The following TMEM178B variants were observed in gnomAD, a reference collection of about 807,000 sequenced individuals.
The protein encoded by TMEM178B is transmembrane protein 178B.
A neutral mutation model predicts 31.0 loss-of-function variants in TMEM178B; 5 were observed. The observed-to-expected ratio is 0.16, with a 90% CI of 0.08 to 0.34. The LOEUF (loss-of-function observed/expected upper bound fraction) is 0.34, where lower values mean the gene tolerates loss of function less well. Among genes scored for constraint, TMEM178B ranks in the 10% least tolerant of loss-of-function variants. The pLI is 1.00. For synonymous variants in TMEM178B, 164 were observed against 164.0 expected, an observed-to-expected ratio of 1.00 and a Z score of 0.00; for missense variants, 275 against 400.3, an observed-to-expected ratio of 0.69 and a Z score of 2.67.
the TMEM178B span, among the ~76,000 whole-genome samples, chr7:141,499,463 A>C: frequency 1.3e-4 from 17 of 135,788 alleles, no homozygotes; most frequent in South Asian, 2.4e-4. Context: ...CCACATCTCT[A>C]CAAAAAAAAA....
chr7:141,246,644 A>G (rs1396983622), intron 2 of TMEM178B, among the ~76,000 whole-genome samples: 1 of 152,164 alleles, frequency 6.6e-6, no homozygotes, highest in Non-Finnish European at 1.5e-5. Context: ...ACTGGAAAAA[A>G]TTTGTGGAGG....
intron 1 of TMEM178B, among the ~76,000 whole-genome samples, chr7:141,081,261 T>C (rs1794679213): frequency 6.6e-6 from 1 of 152,138 alleles, no homozygotes; most frequent in Admixed American, 6.6e-5. Flanking sequence ...TGTGTGTGTG[T>C]GTCTTAGTTT....
At chr7:141,134,013 T>C (rs1795635144) in intron 1 of TMEM178B, among the ~76,000 whole-genome samples, 1 of 152,092 alleles carries the variant, frequency 6.6e-6, no homozygotes, top group African/African-American at 2.4e-5. Flanking sequence ...GATGGGAGGA[T>C]TGCTTAAGGG....
intron 2 of TMEM178B, among the ~76,000 whole-genome samples, chr7:141,305,593 A>G (rs1798803752): frequency 6.6e-6 from 1 of 151,776 alleles, no homozygotes; most frequent in Admixed American, 6.6e-5. Flanking sequence ...ATGCCCAGCT[A>G]ATTTTTGTAT....
chr7:141,443,604 C>T (rs752403231), intron 3 of TMEM178B, among the ~76,000 whole-genome samples: 10 of 152,128 alleles, frequency 6.6e-5, no homozygotes, highest in Non-Finnish European at 1.3e-4. Flanking sequence ...TGATTTATGA[C>T]TGTTGATATT....
chr7:141,171,006 TCACACACACATACACA>T lies in TMEM178B; in HGVS notation c.383-41574_383-41559del, dbSNP rs1268423706. On this transcript the variant is annotated intron_variant, in intron 1 of 3. Coordinates refer to ENST00000565468, the MANE Select transcript of TMEM178B (RefSeq NM_001195278.2). This position sits in a 1 kb window ranked among gnomAD's most constrained non-coding sequence, Gnocchi z 4.3. ...GGTTATTACAGGTTCAGACTACACA[TCACACACACATACACA>T]CACACACACACACACACACACACAC... Among the ~76,000 whole-genome samples, 17 of 122,838 alleles carry T rather than the reference TCACACACACATACACA, an allele frequency of 1.4e-4. No individual in the cohort carries two copies. The highest frequency in any genetic ancestry group is 8.6e-4 in the South Asian group (3 of 3,470). 80.6% of individuals were successfully genotyped at this position (122,838 alleles called of 152,430 possible). A position where few individuals can be genotyped will look rare whatever the true frequency, so the allele number is the denominator to read the frequency against.
At chr7:141,450,291 A>G (rs917911575) in intron 3 of TMEM178B, among the ~76,000 whole-genome samples, 46 of 152,192 alleles carry the variant, frequency 3.0e-4, no homozygotes, top group African/African-American at 9.4e-4. Context: ...AACATGCCCA[A>G]TGCTTGTTAT....
At chr7:141,289,709 T>A in intron 2 of TMEM178B, among the ~76,000 whole-genome samples, 1 of 119,680 alleles carries the variant, frequency 8.4e-6, no homozygotes, top group African/African-American at 3.3e-5. Context: ...AGAGAGACCC[T>A]GTCTCAAAAA....
chr7:141,304,096 G>A (rs912027717), intron 2 of TMEM178B, among the ~76,000 whole-genome samples: 1 of 152,178 alleles, frequency 6.6e-6, no homozygotes, highest in Non-Finnish European at 1.5e-5. Context: ...TATTGCAAGA[G>A]CTAAATATCT....
chr7:141,416,820 C>G (rs1465246852), intron 2 of TMEM178B, among the ~76,000 whole-genome samples: 3 of 152,136 alleles, frequency 2.0e-5, no homozygotes, highest in African/African-American at 7.2e-5. Flanking sequence ...TCTTGTAGAA[C>G]CAGACACAGA....
In TMEM178B at chr7:141,339,763, A is replaced by G. The variant is rs1020190995; in HGVS notation, c.497-97845A>G. Among the ~76,000 whole-genome samples, 7 of 152,066 alleles carry G rather than the reference A, an allele frequency of 4.6e-5. 1 individual carries two copies. Among genetic ancestry groups the G allele is most frequent in the African/African-American group, 1.7e-4 (7 of 41,386 alleles). ...AGAGCACCTGTCTAAGCTGGGGGAG[A>G]ATGTAGGCAGGACCAGGGACAGCAC... On this transcript the variant is annotated intron_variant, in intron 2 of 3. Transcript: ENST00000565468.
At chr7:141,225,624 A>G (rs1797329543) in intron 2 of TMEM178B, among the ~76,000 whole-genome samples, 1 of 152,154 alleles carries the variant, frequency 6.6e-6, no homozygotes, top group African/African-American at 2.4e-5. Flanking sequence ...AAAGCTGGAG[A>G]CTTACATCTT....
chr7:141,172,483 A>G (rs1196364373), intron 1 of TMEM178B, among the ~76,000 whole-genome samples: 1 of 152,214 alleles, frequency 6.6e-6, no homozygotes, highest in Non-Finnish European at 1.5e-5. Context: ...AAGGCTGAGG[A>G]GGGGCCCCTG....
At position 141,196,195 on chromosome 7, in the gene TMEM178B, ATAT is replaced by A. The variant is rs1192604816; in HGVS notation, c.383-16394_383-16392del. 2.0e-5 allele frequency among the ~76,000 whole-genome samples: 3 copies of A among 152,158 alleles called. No homozygotes were observed. The East Asian group carries it at 5.8e-4, about 29-fold the overall frequency. ...TTTCATTTATTTTAATGACTCTATAATATTCTATCATGTGAATGTGACCACCTT... is the reference window on the plus strand; with the variant it reads ...TTTCATTTATTTTAATGACTCTATAATCTATCATGTGAATGTGACCACCTT... On this transcript the variant is annotated intron_variant, in intron 1 of 3. Transcript: ENST00000565468.
At position 141,434,549 on chromosome 7, in the gene TMEM178B, A is replaced by G. The variant is rs181567879; in HGVS notation, c.497-3059A>G. Among the ~76,000 whole-genome samples, 20 of 152,342 alleles carry G rather than the reference A, an allele frequency of 1.3e-4. No individual in the cohort carries two copies. In the East Asian group the frequency reaches 2.5e-3, roughly 19 times the overall value. On this transcript the variant is annotated intron_variant, in intron 2 of 3. Coordinates refer to ENST00000565468, the MANE Select transcript of TMEM178B (RefSeq NM_001195278.2). Reference sequence around the variant, plus strand: ...TGGGATACGTGTGATATTCTGATAAATGCATAGAATGTATAATGATCAAGT... The same window carrying G: ...TGGGATACGTGTGATATTCTGATAAGTGCATAGAATGTATAATGATCAAGT...
At chr7:141,172,904 G>GGT (rs1165641726) in intron 1 of TMEM178B, 1 of 152,132 alleles carries the variant, frequency 6.6e-6, no homozygotes, top group Non-Finnish European at 1.5e-5. Flanking sequence ...GATGTATTGT[G>GGT]GTGTGTGTGA....
At chr7:141,361,952 T>G (rs1011424695) in intron 2 of TMEM178B, among the ~76,000 whole-genome samples, 1 of 152,234 alleles carries the variant, frequency 6.6e-6, no homozygotes, top group African/African-American at 2.4e-5. Flanking sequence ...GAAATTTGTC[T>G]TTGTGACACT....
chr7:141,291,595 A>G (rs1471682015), intron 2 of TMEM178B, among the ~76,000 whole-genome samples: 1 of 152,188 alleles, frequency 6.6e-6, no homozygotes, highest in Non-Finnish European at 1.5e-5. Flanking sequence ...TTCCTGCCCC[A>G]GGGGGAGGTG....
At chr7:141,402,309 C>T (rs1462864184) in intron 2 of TMEM178B, among the ~76,000 whole-genome samples, 1 of 152,224 alleles carries the variant, frequency 6.6e-6, no homozygotes, top group Non-Finnish European at 1.5e-5. Flanking sequence ...CCGTTTTCCC[C>T]TTGTCTGGTG....
Sources: allele counts gnomAD v4.1 joint callset (sites outside exome capture counted in the v4.1 genomes callset), GRCh38; gene constraint gnomAD v4.1.1; non-coding constraint Gnocchi (gnomAD v3.1); transcripts MANE v1.5; gene names NCBI Gene and HGNC (gene_info 2026-07-23, HGNC 2026-07-21).